Variants in OPCML observed in about 807,000 individuals in gnomAD.
OPCML encodes opioid binding protein/cell adhesion molecule like.
A neutral mutation model predicts 37.8 loss-of-function variants in OPCML; 13 were observed. The observed-to-expected ratio is 0.34, with a 90% CI of 0.22 to 0.55. OPCML has a LOEUF of 0.55. OPCML is among the 20% of genes least tolerant of loss of function. The pLI, the probability that OPCML is intolerant of heterozygous loss-of-function variation, is 0.91. For synonymous variants in OPCML, 176 were observed against 168.8 expected (o/e 1.04, Z -0.33); for missense variants, 341 against 435.6 (o/e 0.78, Z 1.93).
intron 2 of OPCML, among the ~76,000 whole-genome samples, chr11:132,852,302 G>A (rs1369257228): frequency 6.6e-6 from 1 of 152,102 alleles, no homozygotes; most frequent in Non-Finnish European, 1.5e-5. Flanking sequence ...TTCTCCGTTT[G>A]ATCTCATTTA....
At position 133,441,304 on chromosome 11, in the gene OPCML, TG is replaced by T. The variant is rs1409889619; in HGVS notation, c.61+90959del. Among the ~76,000 whole-genome samples the T allele has an allele frequency of 5.9e-5, 9 of 151,678 alleles. No homozygotes were observed. In the South Asian group the frequency reaches 1.5e-3, roughly 25 times the overall value. The stretch of plus-strand genomic sequence containing the variant: ...ATTTCTCTATCATTTTATTATCACA[TG>T]AAAAAAAAGCCTATTGTAATAAAAA... On this transcript the variant is annotated intron_variant, in intron 1 of 7. Coordinates refer to ENST00000524381, the MANE Select transcript of OPCML (RefSeq NM_001012393.5).
intron 2 of OPCML, among the ~76,000 whole-genome samples, chr11:132,808,282 G>A (rs1288313998): frequency 6.6e-6 from 1 of 152,258 alleles, no homozygotes; most frequent in East Asian, 1.9e-4. Context: ...GGGAATGTAA[G>A]TGAGAAATCC....
intron 1 of OPCML, among the ~76,000 whole-genome samples, chr11:133,091,093 G>A (rs1378762419): frequency 6.6e-6 from 1 of 152,180 alleles, no homozygotes; most frequent in Non-Finnish European, 1.5e-5. Flanking sequence ...ACATTCTGCT[G>A]CAATGTTCCT....
intron 1 of OPCML, among the ~76,000 whole-genome samples, chr11:133,125,216 T>C (rs1949482309): frequency 1.3e-5 from 2 of 152,142 alleles, no homozygotes; most frequent in South Asian, 4.1e-4. Flanking sequence ...CACTTTATTA[T>C]ATAGACTTGC....
intron 3 of OPCML, among the ~76,000 whole-genome samples, chr11:132,587,864 G>C (rs987884641): frequency 6.6e-6 from 1 of 152,152 alleles, no homozygotes; most frequent in African/African-American, 2.4e-5. Context: ...CATCAGTACA[G>C]AGACCAAAGA....
At chr11:133,387,654 A>G (rs1392503658) in intron 1 of OPCML, among the ~76,000 whole-genome samples, 2 of 152,244 alleles carry the variant, frequency 1.3e-5, no homozygotes, top group Non-Finnish European at 2.9e-5. Flanking sequence ...GTATTCAGTG[A>G]TCGCTGTATT....
intron 2 of OPCML, among the ~76,000 whole-genome samples, chr11:132,812,542 T>A (rs1263656784): frequency 6.6e-6 from 1 of 152,124 alleles, no homozygotes; most frequent in Non-Finnish European, 1.5e-5. Context: ...TAGGAGGTTA[T>A]TGGAAATGTT....
chr11:132,801,795 T>C (rs1315766876), intron 2 of OPCML, among the ~76,000 whole-genome samples: 1 of 152,206 alleles, frequency 6.6e-6, no homozygotes, highest in Non-Finnish European at 1.5e-5. Context: ...AGGAAATCTT[T>C]ATTGAGTGCT....
rs538683868 is a variant in OPCML at position 133,453,954 on chromosome 11, C to A, written c.61+78310G>T. Among the ~76,000 whole-genome samples the A allele has an allele frequency of 1.1e-4, 17 of 152,252 alleles. No homozygotes were observed. In the South Asian group the frequency reaches 3.5e-3, roughly 32 times the overall value. ...AAAGGAAATGCATCCCCACAGAAAT[C>A]TGGTGGAAAAAATAGAATTTCTGTC... On this transcript the variant is annotated intron_variant, in intron 1 of 7. Transcript: ENST00000524381.
chr11:132,711,423 A>G (rs921718960), intron 2 of OPCML, among the ~76,000 whole-genome samples: 1 of 152,242 alleles, frequency 6.6e-6, no homozygotes, highest in African/African-American at 2.4e-5. Context: ...CCTGTGTTTA[A>G]GGATTGGAAC....
chr11:132,867,155 A>G (rs1233877388), intron 2 of OPCML, among the ~76,000 whole-genome samples: 3 of 152,368 alleles, frequency 2.0e-5, no homozygotes, highest in Non-Finnish European at 4.4e-5. Context: ...TTCCAGCCAC[A>G]TAATTCAGTA....
chr11:133,514,782 G>C (rs987254260), intron 1 of OPCML, among the ~76,000 whole-genome samples: 1 of 152,124 alleles, frequency 6.6e-6, no homozygotes, highest in Admixed American at 6.5e-5. Context: ...AAATTTGTCT[G>C]AGCTGTCACT....
chr11:132,802,141 C>A (rs1484412001), intron 2 of OPCML, among the ~76,000 whole-genome samples: 4 of 152,168 alleles, frequency 2.6e-5, no homozygotes, highest in Non-Finnish European at 5.9e-5. Flanking sequence ...CAAACTGTTA[C>A]CTCGAATAAG....
intron 7 of OPCML, among the ~76,000 whole-genome samples, chr11:132,432,973 G>A (rs536582104): frequency 1.5e-4 from 23 of 152,304 alleles, no homozygotes; most frequent in African/African-American, 4.3e-4. Flanking sequence ...AGTCAAAGGC[G>A]CGGAATGAGT....
At chr11:132,835,052 T>C (rs1233371158) in intron 2 of OPCML, among the ~76,000 whole-genome samples, 2 of 151,302 alleles carry the variant, frequency 1.3e-5, no homozygotes, top group Admixed American at 6.6e-5. Context: ...GGACTTCTAC[T>C]CTGCAGGGTC....
chr11:133,224,330 G>A (rs986518030), intron 1 of OPCML, among the ~76,000 whole-genome samples: 8 of 152,236 alleles, frequency 5.3e-5, no homozygotes, highest in African/African-American at 1.9e-4. Context: ...GGATGCCCCT[G>A]CAGATGGGCC....
intron 1 of OPCML, among the ~76,000 whole-genome samples, chr11:133,159,024 T>C (rs1338097882): frequency 6.6e-6 from 1 of 152,162 alleles, no homozygotes; most frequent in African/African-American, 2.4e-5. Flanking sequence ...GTGAAATCAC[T>C]CTCCAGTTCC....
chr11:133,048,489 TAGAC>T (rs1342343988), intron 1 of OPCML, among the ~76,000 whole-genome samples: 1 of 152,158 alleles, frequency 6.6e-6, no homozygotes, highest in Non-Finnish European at 1.5e-5. Context: ...ACGCTCTAAA[TAGAC>T]AGAGAGCACC....
chr11:133,093,510 C>T (rs188651157), intron 1 of OPCML, among the ~76,000 whole-genome samples: 177 of 152,216 alleles, frequency 1.2e-3, no homozygotes, highest in African/African-American at 3.7e-3. Context: ...CCAGCACAAA[C>T]GTAGGTAATT....
Sources: gnomAD v4.1 joint callset for allele counts (sites outside exome capture counted in the v4.1 genomes callset) on GRCh38, gnomAD v4.1.1 for gene constraint, MANE v1.5 for transcripts, NCBI Gene and HGNC (gene_info 2026-07-23, HGNC 2026-07-21) for gene names.